The following ARMH3 variants were observed in gnomAD, a reference collection of about 807,000 sequenced individuals.
ARMH3 encodes armadillo-like helical domain-containing protein 3.
A neutral mutation model predicts 99.1 loss-of-function variants in ARMH3; 60 were observed. That is an observed-to-expected ratio of 0.61 (90% CI 0.49 to 0.75). The LOEUF is 0.75. Ranked by LOEUF, ARMH3 falls within the 30% of genes least tolerant of loss-of-function variation. The probability of loss-of-function intolerance (pLI) is 0.00; values close to 1 mark genes in which losing one functional copy is unlikely to be tolerated. For synonymous variants in ARMH3, 285 were observed against 292.8 expected (o/e 0.97, Z 0.27); for missense variants, 679 against 843.1 (o/e 0.81, Z 2.41).
chr10:102,028,892 G>T (rs964172156), intron 5 of ARMH3, among the ~76,000 whole-genome samples: 2 of 152,088 alleles, frequency 1.3e-5, no homozygotes, highest in Non-Finnish European at 2.9e-5. Flanking sequence ...TTCTTTTTGA[G>T]ACAGGGTCTT....
chr10:102,027,198 G>A (rs190145036), intron 5 of ARMH3, among the ~76,000 whole-genome samples: 1 of 150,030 alleles, frequency 6.7e-6, no homozygotes, highest in Admixed American at 6.7e-5. Context: ...AGAATCGCTT[G>A]AACCCAGGAC....
chr10:101,920,360 C>G (rs1843257750), intron 23 of ARMH3, among the ~76,000 whole-genome samples: 1 of 152,150 alleles, frequency 6.6e-6, no homozygotes, highest in African/African-American at 2.4e-5. Flanking sequence ...CTAAGTGTCT[C>G]TGGTTTGTCC....
chr10:102,006,731 T>C (rs1033729058), intron 13 of ARMH3, 98 bp from the exon 14 acceptor site: 8 of 1,176,772 alleles, frequency 6.8e-6, no homozygotes, highest in Middle Eastern at 2.1e-4. Flanking sequence ...CTGGACCTTA[T>C]AATTTTTTTT....
Position 101,977,449 on chromosome 10 carries a change from A to G in ARMH3, c.1407-2149T>C, listed in dbSNP as rs114317735. On this transcript the variant is annotated intron_variant, in intron 19 of 25. Transcript: ENST00000370033. Reference sequence around the variant, plus strand: ...TAATAAAAAAAAATTCAATGATTAAAATTAAATGGCAAACTACATGGGAAA... The same window carrying G: ...TAATAAAAAAAAATTCAATGATTAAGATTAAATGGCAAACTACATGGGAAA... Among the ~76,000 whole-genome samples, 1,421 of 152,320 alleles carry G rather than the reference A, an allele frequency of 9.3e-3. 17 individuals are homozygous for G. Among genetic ancestry groups the G allele is most frequent in the African/African-American group, 0.032 (1,349 of 41,560 alleles).
intron 17 of ARMH3, 39 bp from the exon 18 acceptor site, chr10:101,992,077 A>C (rs758045619): frequency 4.6e-6 from 7 of 1,518,862 alleles, no homozygotes; most frequent in Non-Finnish European, 6.4e-6. Context: ...ATTAGTAGAC[A>C]CCGGCACTGA....
chr10:101,938,303 T>C (rs910628989), intron 23 of ARMH3, among the ~76,000 whole-genome samples: 7 of 152,214 alleles, frequency 4.6e-5, no homozygotes, highest in Admixed American at 6.5e-5. Context: ...CTGACAGTCA[T>C]GCAAAGAGAA....
intron 23 of ARMH3, among the ~76,000 whole-genome samples, chr10:101,907,385 G>GTTTTTTTTTTTT (rs773919740): frequency 7.3e-6 from 1 of 136,882 alleles, no homozygotes; most frequent in Non-Finnish European, 1.6e-5. Context: ...CTTTGTTTTT[G>GTTTTTTTTTTTT]TTTTTTTTTT....
chr10:101,869,043 G>C (rs1163782420), intron 24 of ARMH3, among the ~76,000 whole-genome samples: 1 of 150,416 alleles, frequency 6.6e-6, no homozygotes, highest in Non-Finnish European at 1.5e-5. Context: ...CTGCACTCCA[G>C]CTTGGGAGAC....
intron 24 of ARMH3, among the ~76,000 whole-genome samples, chr10:101,865,482 C>T (rs910151549): frequency 3.3e-5 from 5 of 152,066 alleles, no homozygotes; most frequent in Middle Eastern, 3.4e-3. Context: ...ACCTACTGTA[C>T]TACCGTAATT....
chr10:101,848,502 G>A (rs897537236), intron 25 of ARMH3, among the ~76,000 whole-genome samples: 3 of 152,164 alleles, frequency 2.0e-5, no homozygotes, highest in African/African-American at 4.8e-5. Context: ...GAAGGAGGAG[G>A]AGAGTGTGTC....
intron 8 of ARMH3, 132 bp from the exon 9 acceptor site, chr10:102,014,156 C>T (rs1169490231): frequency 1.1e-5 from 7 of 646,578 alleles, no homozygotes; most frequent in Non-Finnish European, 1.9e-5. Flanking sequence ...TACACAGTCC[C>T]AATCCATATT....
chr10:102,011,847 T>C (rs973418603), intron 10 of ARMH3, 64 bp from the exon 11 acceptor site: 50 of 1,393,472 alleles, frequency 3.6e-5, no homozygotes, highest in Non-Finnish European at 4.8e-5. Flanking sequence ...GTCCTTGACA[T>C]TTGGGGTAAT....
intron 2 of ARMH3, among the ~76,000 whole-genome samples, chr10:102,037,183 CTTT>C (rs201412666): frequency 3.6e-5 from 5 of 137,374 alleles, no homozygotes; most frequent in Admixed American, 1.5e-4. Context: ...ATTTTGTTTT[CTTT>C]TTTTTTTTTT....
intron 20 of ARMH3, among the ~76,000 whole-genome samples, chr10:101,960,248 G>C (rs932566856): frequency 6.6e-6 from 1 of 152,136 alleles, no homozygotes; most frequent in Non-Finnish European, 1.5e-5. Context: ...ATCACAGATG[G>C]TAATTCTTCT....
chr10:101,971,073 G>T (rs1286219871), intron 20 of ARMH3, among the ~76,000 whole-genome samples: 4 of 142,442 alleles, frequency 2.8e-5, no homozygotes, highest in African/African-American at 7.9e-5. Flanking sequence ...CTCCAGCCTG[G>T]GCAACAGAGT....
intron 23 of ARMH3, among the ~76,000 whole-genome samples, chr10:101,911,501 C>CTGAGGCGGGAGGATGGCT (rs1842866246): frequency 6.6e-6 from 1 of 152,170 alleles, no homozygotes; most frequent in Non-Finnish European, 1.5e-5. Context: ...GCTCAGGGGA[C>CTGAGGCGGGAGGATGGCT]TGAGGCGGGA....
chr10:102,048,338 C>G (rs750672078), intron 1 of ARMH3, among the ~76,000 whole-genome samples: 5 of 152,222 alleles, frequency 3.3e-5, no homozygotes, highest in Non-Finnish European at 7.3e-5. Context: ...ATGTAGCTAT[C>G]TGTCCAAGAG....
intron 22 of ARMH3, among the ~76,000 whole-genome samples, chr10:101,955,881 G>A (rs1845011635): frequency 6.6e-6 from 1 of 152,090 alleles, no homozygotes; most frequent in Admixed American, 6.6e-5. Context: ...ATTAAAATTT[G>A]TATAATTAAA....
chr10:101,902,021 C>T (rs1429417203), intron 23 of ARMH3, among the ~76,000 whole-genome samples: 1 of 152,184 alleles, frequency 6.6e-6, no homozygotes, highest in African/African-American at 2.4e-5. Context: ...CCAAAGCTAA[C>T]AGGGTCAGAT....
Sources: allele counts gnomAD v4.1 joint callset (sites outside exome capture counted in the v4.1 genomes callset), GRCh38; gene constraint gnomAD v4.1.1; transcripts MANE v1.5; gene names NCBI Gene and HGNC (gene_info 2026-07-23, HGNC 2026-07-21).